Variants in CPLX2 observed in about 807,000 individuals in gnomAD.
The protein encoded by CPLX2 is complexin-2.
CPLX2 carries 5 observed loss-of-function variants against 16.3 expected under a neutral mutation model. The ratio of observed to expected loss-of-function variants is 0.31; its 90% confidence interval spans 0.16 to 0.64. The LOEUF is 0.64. Among genes scored for constraint, CPLX2 ranks in the 30% least tolerant of loss-of-function variants. The pLI is 0.79. For synonymous variants in CPLX2, 89 were observed against 73.2 expected (o/e 1.22, Z -1.10); for missense variants, 144 against 181.4 (o/e 0.79, Z 1.18).
Position 175,881,741 on chromosome 5 carries a change from A to T in CPLX2, c.*1696A>T, listed in dbSNP as rs541683116. The T allele has an allele frequency of 6.5e-6, 1 of 152,728 alleles. No individual in the cohort carries two copies. The highest frequency in any genetic ancestry group is 2.1e-4 in the South Asian group (1 of 4,826). The allele number at this position is 152,728 out of a possible 1,614,324, so 9.5% of individuals were successfully genotyped here. ...CCCACCCTTGGGGGGCTCCTGCCTG[A>T]GGTCCTCAGAATCCCACTGCAATGG... is the stretch of plus-strand genomic sequence containing the variant. On this transcript the variant is annotated 3_prime_UTR_variant, in exon 4 of 4. Transcript: ENST00000393745.
In CPLX2 at chr5:175,879,864, A is replaced by G. The variant is rs1415915715; in HGVS notation, c.224A>G (p.Lys75Arg). The G allele has an allele frequency of 6.2e-7, 1 of 1,612,102 alleles. No homozygotes were observed. Among genetic ancestry groups the G allele is most frequent in the Non-Finnish European group, 8.5e-7 (1 of 1,179,032 alleles). Residue 75 changes from lysine (K) to arginine (R), a missense_variant, in exon 4 of 4, where the codon AAG (lysine) becomes AGG (arginine). Lys to Arg is a conservative substitution (Grantham distance 26). Coordinates refer to ENST00000393745, the MANE Select transcript of CPLX2 (RefSeq NM_001008220.2). ...QIRDKYGLKK[K>R]EEKEAEEKAA... ...CCTCCCCAGTATGGGCTGAAGAAGA[A>G]GGAGGAGAAGGAAGCAGAGGAGAAA...
intron 2 of CPLX2, among the ~76,000 whole-genome samples, chr5:175,863,507 C>T (rs1283149536): frequency 2.0e-5 from 3 of 152,144 alleles, no homozygotes; most frequent in Admixed American, 6.5e-5. Context: ...GTAACGGAGG[C>T]GAGGGCCTGG....
chr5:175,799,549 TA>T (rs1287843581), intron 1 of CPLX2, among the ~76,000 whole-genome samples: 1,469 of 80,732 alleles, frequency 0.018, 102 homozygotes, highest in African/African-American at 0.052. Context: ...CATATATATA[TA>T]TATATATATA....
Position 175,809,147 on chromosome 5 carries a change from C to A in CPLX2, c.-89+79C>A, listed in dbSNP as rs1348838522. The A allele has an allele frequency of 6.6e-6, 1 of 152,344 alleles. No homozygotes were observed. The highest frequency in any genetic ancestry group is 2.4e-5 in the African/African-American group (1 of 41,462). 9.4% of individuals were successfully genotyped at this position (152,344 alleles called of 1,614,324 possible). On this transcript the variant is annotated intron_variant, in intron 2 of 4. Coordinates refer to the CPLX2 transcript ENST00000359546. This position sits in a 1 kb window ranked among gnomAD's most constrained non-coding sequence, Gnocchi z 4.4. ...ATCCCTGGAGCCCTGATGAAGGGGG[C>A]ACGTCTTCCCCTCTGTGATTGCCAA...
chr5:175,838,641 T>C (rs1266916791), intron 2 of CPLX2, among the ~76,000 whole-genome samples: 4 of 152,116 alleles, frequency 2.6e-5, no homozygotes, highest in Non-Finnish European at 5.9e-5. Flanking sequence ...GTCTTTCTTA[T>C]GGAGTTGGAG....
rs1047313831 is a variant in CPLX2, at chr5:175,881,577, G to A, written c.*1532G>A. On this transcript the variant is annotated 3_prime_UTR_variant, in exon 4 of 4. Transcript: ENST00000393745. ...TGAAGGCTGCTGTGTGCATGTTTGG[G>A]GGTCTGAAAAGACAGTTGTGTGCAT... 7 of 152,994 alleles carry A rather than the reference G, an allele frequency of 4.6e-5. No homozygotes were observed. The highest frequency in any genetic ancestry group is 1.4e-4 in the African/African-American group (6 of 41,444). The allele number at this position is 152,994 out of a possible 1,614,324, so 9.5% of individuals were successfully genotyped here.
At position 175,805,859 on chromosome 5, in the gene CPLX2, A is replaced by G. The variant is rs374672291; in HGVS notation, c.-168-3130A>G. On this transcript the variant is annotated intron_variant, in intron 1 of 4. Coordinates refer to the CPLX2 transcript ENST00000359546. ...TCAGCTGATGAGAGGGTTGACTGCC[A>G]CAGACGCCCATGTCACCGCTACACA... Among the ~76,000 whole-genome samples the G allele has an allele frequency of 2.3e-3, 344 of 152,272 alleles. 2 individuals carry two copies. Among genetic ancestry groups the G allele is most frequent in the African/African-American group, 8.0e-3 (331 of 41,560 alleles).
At chr5:175,797,073 C>T (rs1010793695) in intron 1 of CPLX2, among the ~76,000 whole-genome samples, 1 of 152,180 alleles carries the variant, frequency 6.6e-6, no homozygotes, top group African/African-American at 2.4e-5. Flanking sequence ...GGGCGGGCTC[C>T]TCCGCACCCT....
chr5:175,857,557 G>A (rs1339026430), intron 2 of CPLX2, among the ~76,000 whole-genome samples: 2 of 152,188 alleles, frequency 1.3e-5, no homozygotes, highest in Non-Finnish European at 2.9e-5. Flanking sequence ...GCCCAGTTGT[G>A]CAAAGTCAAC....
At chr5:175,804,452 C>T (rs1758157770) in intron 1 of CPLX2, among the ~76,000 whole-genome samples, 1 of 152,212 alleles carries the variant, frequency 6.6e-6, no homozygotes, top group Admixed American at 6.5e-5. Flanking sequence ...ATCAGACCCA[C>T]CCCTTGTATG....
Position 175,880,054 on chromosome 5 carries a change from C to G in CPLX2, c.*9C>G. Reference sequence around the variant, plus strand: ...ACATGTTCAAGAAGTAACCAGGCCTCCTGCCCCAGCCTACTCCACCTGTTA... The same window carrying G: ...ACATGTTCAAGAAGTAACCAGGCCTGCTGCCCCAGCCTACTCCACCTGTTA... On this transcript the variant is annotated 3_prime_UTR_variant, in exon 4 of 4. Coordinates refer to ENST00000393745, the MANE Select transcript of CPLX2 (RefSeq NM_001008220.2). 1 of 1,607,822 alleles carries G rather than the reference C, an allele frequency of 6.2e-7. No individual in the cohort carries two copies. Among genetic ancestry groups the G allele is most frequent in the Non-Finnish European group, 8.5e-7 (1 of 1,177,042 alleles).
intron 1 of CPLX2, among the ~76,000 whole-genome samples, chr5:175,797,381 A>C (rs1758007202): frequency 9.6e-4 from 1 of 1,044 alleles, no homozygotes; most frequent in Admixed American, 9.3e-3. Flanking sequence ...GGGCCCAGCT[A>C]AGAGTGGGCA....
chr5:175,835,912 T>C (rs1488344240), intron 2 of CPLX2, among the ~76,000 whole-genome samples: 6 of 151,880 alleles, frequency 4.0e-5, no homozygotes, highest in African/African-American at 1.4e-4. Context: ...CTAAGTTTCA[T>C]ATTTTTAGTA....
chr5:175,803,023 G>A (rs887193094), intron 1 of CPLX2, among the ~76,000 whole-genome samples: 1 of 152,006 alleles, frequency 6.6e-6, no homozygotes, highest in South Asian at 2.1e-4. Context: ...GTAGAGACAG[G>A]GTTTCACCGT....
At chr5:175,842,889 C>T (rs1266347207) in intron 2 of CPLX2, among the ~76,000 whole-genome samples, 2 of 152,184 alleles carry the variant, frequency 1.3e-5, no homozygotes, top group East Asian at 3.8e-4. Context: ...AGGTGAGGGC[C>T]GGCACCCATG....
chr5:175,862,671 T>C (rs1759395002), intron 2 of CPLX2, among the ~76,000 whole-genome samples: 1 of 152,222 alleles, frequency 6.6e-6, no homozygotes, highest in South Asian at 2.1e-4. Flanking sequence ...AAAGGATTTG[T>C]ATTAGTTAGG....
upstream of CPLX2, chr5:175,871,458 A>AGAGAGAGAGAGGGAGAGAGG (rs1759608986): frequency 2.5e-5 from 2 of 79,904 alleles, no homozygotes; most frequent in Non-Finnish European, 5.6e-5. Flanking sequence ...AGAGAGAGAG[A>AGAGAGAGAGAGGGAGAGAGG]GAGAGAGAGA....
chr5:175,845,020 C>T lies in CPLX2; in HGVS notation c.-88-33632C>T, dbSNP rs1759016470. Among the ~76,000 whole-genome samples, 1 of 152,200 alleles carries T rather than the reference C, an allele frequency of 6.6e-6. No individual in the cohort carries two copies. Among genetic ancestry groups the T allele is most frequent in the Non-Finnish European group, 1.5e-5 (1 of 68,030 alleles). On this transcript the variant is annotated intron_variant, in intron 2 of 4. Transcript: ENST00000359546. This position sits in a 1 kb window ranked among gnomAD's most constrained non-coding sequence, Gnocchi z 4.0. Reference sequence around the variant, plus strand: ...CCCCTCTGCCCAGAACATTCCCTAACAAGGACCAGTTCTTAGAAGGGGAAG... The same window carrying T: ...CCCCTCTGCCCAGAACATTCCCTAATAAGGACCAGTTCTTAGAAGGGGAAG...
intron 1 of CPLX2, among the ~76,000 whole-genome samples, chr5:175,874,213 T>C (rs1313789224): frequency 1.3e-5 from 2 of 152,094 alleles, no homozygotes; most frequent in South Asian, 2.1e-4. Flanking sequence ...AGGTTATGGA[T>C]AAATCCAGAA....
Sources: allele counts gnomAD v4.1 joint callset (sites outside exome capture counted in the v4.1 genomes callset), GRCh38; gene constraint gnomAD v4.1.1; non-coding constraint Gnocchi (gnomAD v3.1); transcripts MANE v1.5; gene names NCBI Gene and HGNC (gene_info 2026-07-23, HGNC 2026-07-21).